Variants in CDH18 observed in about 807,000 individuals in gnomAD.
The protein encoded by CDH18 is cadherin-18.
In CDH18, 31 loss-of-function variants were observed where a neutral mutation model predicts 67.9. The observed-to-expected ratio is 0.46, with a 90% CI of 0.34 to 0.62. The LOEUF (loss-of-function observed/expected upper bound fraction) is 0.62. Ranked by LOEUF, CDH18 falls within the 20% of genes least tolerant of loss-of-function variation. The probability of loss-of-function intolerance (pLI) is 0.01; values close to 1 mark genes in which losing one functional copy is unlikely to be tolerated. For missense variants in CDH18, 890 were observed against 975.5 expected (o/e 0.91, Z 1.17); for synonymous variants, 362 against 347.2 (o/e 1.04, Z -0.48).
chr5:20,172,855 T>C (rs1736940928), intron 2 of CDH18, among the ~76,000 whole-genome samples: 1 of 151,714 alleles, frequency 6.6e-6, no homozygotes, highest in Admixed American at 6.6e-5. Flanking sequence ...CCAGGCATGG[T>C]GGCACATGCC....
chr5:20,429,673 A>G (rs1203654948), intron 1 of CDH18, among the ~76,000 whole-genome samples: 1 of 152,204 alleles, frequency 6.6e-6, no homozygotes, highest in East Asian at 1.9e-4. Context: ...AGGCTGAGCT[A>G]CTTTGAGCAA....
intron 2 of CDH18, among the ~76,000 whole-genome samples, chr5:20,160,982 A>G (rs2126610497): frequency 6.6e-6 from 1 of 152,346 alleles, no homozygotes; most frequent in South Asian, 2.1e-4. Context: ...ATAATGTTTT[A>G]TTGAAACAGC....
chr5:20,208,855 G>A (rs1318761590), intron 2 of CDH18, among the ~76,000 whole-genome samples: 27 of 151,798 alleles, frequency 1.8e-4, no homozygotes, highest in Admixed American at 1.8e-3. Flanking sequence ...AATATATAAA[G>A]AATACATAAA....
At chr5:19,900,585 A>T (rs1789839819) in intron 2 of CDH18, among the ~76,000 whole-genome samples, 1 of 152,182 alleles carries the variant, frequency 6.6e-6, no homozygotes, top group South Asian at 2.1e-4. Context: ...TTATGTGTCT[A>T]TAATAAATTT....
intron 1 of CDH18, among the ~76,000 whole-genome samples, chr5:20,357,422 A>G (rs1741724264): frequency 6.6e-6 from 1 of 152,192 alleles, no homozygotes; most frequent in Admixed American, 6.5e-5. Flanking sequence ...CAAAAAATAT[A>G]CCAAAATAAC....
intron 2 of CDH18, among the ~76,000 whole-genome samples, chr5:19,912,166 G>T (rs1419225857): frequency 6.8e-6 from 1 of 147,954 alleles, no homozygotes; most frequent in Non-Finnish European, 1.5e-5. Context: ...GAATTGTTTA[G>T]CTATTAACAA....
chr5:19,802,606 T>C (rs546552627), intron 3 of CDH18, among the ~76,000 whole-genome samples: 1 of 152,306 alleles, frequency 6.6e-6, no homozygotes, highest in Non-Finnish European at 1.5e-5. Context: ...TGTGTGTGTG[T>C]GCGTGTATGT....
chr5:19,630,092 A>G (rs992756683), intron 5 of CDH18, among the ~76,000 whole-genome samples: 1 of 151,912 alleles, frequency 6.6e-6, no homozygotes, highest in Non-Finnish European at 1.5e-5. Flanking sequence ...GCCCTTCACC[A>G]TGACCGGCTA....
chr5:19,506,000 G>A (rs1218790352), intron 10 of CDH18, among the ~76,000 whole-genome samples: 1 of 152,092 alleles, frequency 6.6e-6, no homozygotes, highest in African/African-American at 2.4e-5. Flanking sequence ...TCCAGAGCCT[G>A]TTATTGGTCT....
chr5:20,483,461 T>C (rs1463465348), intron 1 of CDH18, among the ~76,000 whole-genome samples: 1 of 151,834 alleles, frequency 6.6e-6, no homozygotes, highest in African/African-American at 2.4e-5. Context: ...GAATAGCCAA[T>C]GTTAACCTGA....
intron 3 of CDH18, among the ~76,000 whole-genome samples, chr5:19,815,044 A>G (rs1779141975): frequency 2.0e-5 from 3 of 152,120 alleles, no homozygotes; most frequent in African/African-American, 7.2e-5. Context: ...CAAATAAAAT[A>G]TCACTTATTC....
intron 2 of CDH18, among the ~76,000 whole-genome samples, chr5:20,062,168 A>ATTATTATTC (rs1742556542): frequency 6.7e-6 from 1 of 148,360 alleles, no homozygotes; most frequent in African/African-American, 2.5e-5. Flanking sequence ...TATTATTATT[A>ATTATTATTC]TTATTATTGA....
intron 2 of CDH18, among the ~76,000 whole-genome samples, chr5:19,972,196 T>C (rs1394612625): frequency 1.3e-5 from 2 of 152,122 alleles, no homozygotes; most frequent in Non-Finnish European, 2.9e-5. Flanking sequence ...CCTTTGTTTT[T>C]CTCATTTATA....
At chr5:20,391,545 C>A (rs1744861411) in intron 1 of CDH18, among the ~76,000 whole-genome samples, 1 of 151,900 alleles carries the variant, frequency 6.6e-6, no homozygotes, top group South Asian at 2.1e-4. Context: ...ATATCTTATT[C>A]CTATGTTCTA....
chr5:20,347,735 C>A (rs938800217), intron 1 of CDH18, among the ~76,000 whole-genome samples: 1 of 152,172 alleles, frequency 6.6e-6, no homozygotes, highest in Non-Finnish European at 1.5e-5. Context: ...TTTGGTTAAG[C>A]ATTCATGGGT....
At chr5:20,444,771 TTTTC>T (rs1259564444) in intron 1 of CDH18, among the ~76,000 whole-genome samples, 4 of 143,530 alleles carry the variant, frequency 2.8e-5, no homozygotes, top group Non-Finnish European at 6.0e-5. Flanking sequence ...TTTTAAGCTT[TTTTC>T]TTTCTTTTTT....
intron 3 of CDH18, among the ~76,000 whole-genome samples, chr5:19,754,165 T>C (rs1458508555): frequency 6.6e-6 from 1 of 152,066 alleles, no homozygotes; most frequent in Non-Finnish European, 1.5e-5. Context: ...CATCTCAACA[T>C]TAACATTGAA....
chr5:19,515,261 G>A (rs1745794176), intron 10 of CDH18, among the ~76,000 whole-genome samples: 1 of 152,186 alleles, frequency 6.6e-6, no homozygotes, highest in Non-Finnish European at 1.5e-5. Flanking sequence ...TTGTAGTATA[G>A]TTTGAAGTCA....
chr5:19,912,021 T>C (rs1718317415), intron 2 of CDH18, among the ~76,000 whole-genome samples: 1 of 152,044 alleles, frequency 6.6e-6, no homozygotes, highest in Admixed American at 6.6e-5. Flanking sequence ...AGCGGCAAGA[T>C]TGACAGCTCT....
Sources: gnomAD v4.1 joint callset for allele counts (sites outside exome capture counted in the v4.1 genomes callset) on GRCh38, gnomAD v4.1.1 for gene constraint, MANE v1.5 for transcripts, NCBI Gene and HGNC (gene_info 2026-07-23, HGNC 2026-07-21) for gene names.